Variants in CD300A observed in about 807,000 individuals in gnomAD.
CD300A encodes the protein CD300a molecule.
CD300A carries 22 observed loss-of-function variants against 33.6 expected under a neutral mutation model. The ratio of observed to expected loss-of-function variants is 0.66; its 90% CI spans 0.47 to 0.94. The LOEUF is 0.94. CD300A is among the 40% of genes least tolerant of loss of function. The probability of loss-of-function intolerance (pLI) is 0.00; values close to 1 mark genes in which losing one functional copy is unlikely to be tolerated. For synonymous variants in CD300A, 136 were observed against 148.1 expected, an observed-to-expected ratio of 0.92 and a Z score of 0.59; for missense variants, 326 against 360.5, an observed-to-expected ratio of 0.90 and a Z score of 0.77.
At chr17:74,481,372 G>A in intron 5 of CD300A, 46 bp downstream of exon 5, 1 of 1,579,592 alleles carries the variant, frequency 6.3e-7, no homozygotes, top group Non-Finnish European at 8.7e-7. Context: ...TGGGCGGAGG[G>A]TACAGAGGCT....
chr17:74,466,614 G>A (rs1905719756), upstream of CD300A: 1 of 1,404,988 alleles, frequency 7.1e-7, no homozygotes, highest in African/African-American at 1.4e-5. Flanking sequence ...AAGAAAAGCA[G>A]AAGTCGGGGC....
At chr17:74,469,331 T>G (rs1343282355) in intron 1 of CD300A, among the ~76,000 whole-genome samples, 2 of 151,844 alleles carry the variant, frequency 1.3e-5, no homozygotes, top group Middle Eastern at 3.4e-3. Context: ...GAGACTGGCC[T>G]GGGCAGTATA....
chr17:74,472,237 CA>C lies in CD300A; in HGVS notation c.41-1284del, dbSNP rs11435286. On this transcript the variant is annotated intron_variant, in intron 1 of 6. Coordinates refer to ENST00000360141, the MANE Select transcript of CD300A (RefSeq NM_007261.4). ...TGGGCAACAGAGCAAGACTCCATCT[CA>C]AAAAAAAAAAAAAATCAAAGAGTTC... is the stretch of plus-strand genomic sequence containing the variant. Among the ~76,000 whole-genome samples, 215 of 135,222 alleles carry C rather than the reference CA, an allele frequency of 1.6e-3. 1 individual carries two copies. Among genetic ancestry groups the C allele is most frequent in the South Asian group, 5.2e-3 (22 of 4,200 alleles). The allele number at this position is 135,222 out of a possible 152,430, so 88.7% of individuals were successfully genotyped here.
chr17:74,484,135 C>A lies in CD300A; in HGVS notation c.*9C>A. The A allele has an allele frequency of 6.2e-7, 1 of 1,612,900 alleles. No homozygotes were observed. Among genetic ancestry groups the A allele is most frequent in the South Asian group, 1.1e-5 (1 of 91,014 alleles). Reference sequence around the variant, plus strand: ...TGATAAGGAAGACATAGGCTTTTGTCCTGCCTCGCCATCGGAGCTCTCATG... The same window carrying A: ...TGATAAGGAAGACATAGGCTTTTGTACTGCCTCGCCATCGGAGCTCTCATG... On this transcript the variant is annotated 3_prime_UTR_variant, in exon 7 of 7. Coordinates refer to ENST00000360141, the MANE Select transcript of CD300A (RefSeq NM_007261.4).
chr17:74,469,619 G>T (rs2144502465), intron 1 of CD300A, among the ~76,000 whole-genome samples: 1 of 152,308 alleles, frequency 6.6e-6, no homozygotes, highest in East Asian at 1.9e-4. Flanking sequence ...GAGGTCAGGA[G>T]TTTGAGACCA....
chr17:74,474,576 T>A lies in CD300A; in HGVS notation c.424T>A (p.Ser142Thr), dbSNP rs756681723. The change falls in exon 3 of 7, where the codon TCA (serine) becomes ACA (threonine). Residue 142 changes from serine (S) to threonine (T), a missense_variant. By Grantham distance (58) the Ser-to-Thr change is moderately conservative. Transcript: ENST00000360141. ...TPASITAAKTSTITTAFPPVS... is the reference protein window; with the variant it reads ...TPASITAAKTTTITTAFPPVS... ...TGCAAGTATCACTGCGGCCAAGACC[T>A]CAACAATCACAACTGCATTTCCACC... The A allele has an allele frequency of 2.5e-6, 4 of 1,614,054 alleles. No individual in the cohort carries two copies. The highest frequency in any genetic ancestry group is 2.2e-5 in the East Asian group (1 of 44,892).
At chr17:74,466,897 T>TGAA in intron 1 of CD300A, 154 bp downstream of exon 1, 1 of 1,487,430 alleles carries the variant, frequency 6.7e-7, no homozygotes. Context: ...GATGGACAGA[T>TGAA]GAAGGTCCAC....
chr17:74,481,830 T>C lies in CD300A; in HGVS notation c.771T>C (p.Thr257=), dbSNP rs986757939. The change falls in exon 6 of 7, where the codon ACT becomes ACC. Residue 257 remains threonine, a synonymous_variant. Transcript: ENST00000360141. Reference sequence around the variant, plus strand: ...GGGAGGTGGAGGTGGAATACAGCACTGTGGTAAGTGCAGGAGCCCGGCTTT... The same window carrying C: ...GGGAGGTGGAGGTGGAATACAGCACCGTGGTAAGTGCAGGAGCCCGGCTTT... ...PPREVEVEYS[T]VASPREELHY... The C allele has an allele frequency of 6.2e-7, 1 of 1,608,098 alleles. No homozygotes were observed. Among genetic ancestry groups the C allele is most frequent in the Non-Finnish European group, 8.5e-7 (1 of 1,177,238 alleles).
intron 3 of CD300A, 32 bp downstream of exon 3, chr17:74,474,717 G>A (rs1383835331): frequency 6.2e-7 from 1 of 1,610,732 alleles, no homozygotes; most frequent in African/African-American, 1.3e-5. Context: ...ACATGGAGGG[G>A]GCCCTGTGCT....
At chr17:74,474,476 G>C in intron 2 of CD300A, 56 bp from the exon 3 acceptor site, 1 of 1,585,074 alleles carries the variant, frequency 6.3e-7, no homozygotes, top group Non-Finnish European at 8.6e-7. Flanking sequence ...GGCATCCTGA[G>C]TGGTGGGAGA....
At chr17:74,475,204 C>T (rs1039416893) in intron 3 of CD300A, among the ~76,000 whole-genome samples, 1 of 152,196 alleles carries the variant, frequency 6.6e-6, no homozygotes, top group African/African-American at 2.4e-5. Flanking sequence ...GGGGTTTCCT[C>T]TTATAAAGCC....
At chr17:74,472,801 G>C (rs1478671781) in intron 1 of CD300A, among the ~76,000 whole-genome samples, 1 of 152,028 alleles carries the variant, frequency 6.6e-6, no homozygotes, top group Non-Finnish European at 1.5e-5. Flanking sequence ...GTAGAGACAG[G>C]GTTTCACCAT....
rs2140252 is a variant in CD300A at position 74,474,791 on chromosome 17, C to A, written c.533+106C>A. The A allele has an allele frequency of 9.6e-6, 12 of 1,254,186 alleles. No homozygotes were observed. In the Admixed American group the frequency reaches 2.3e-4, roughly 24 times the overall value. 77.7% of individuals were successfully genotyped at this position (1,254,186 alleles called of 1,614,324 possible). On this transcript the variant is annotated intron_variant, in intron 3 of 6. Transcript: ENST00000360141. ...GCCAGCTGGAGGTGTGCATCGCTCC[C>A]TTTGCCCCAGGCCCAGGTTGGAAGC...
chr17:74,483,778 G>A (rs1306084647), intron 6 of CD300A, among the ~76,000 whole-genome samples: 1 of 152,172 alleles, frequency 6.6e-6, no homozygotes, highest in Non-Finnish European at 1.5e-5. Context: ...AGCCCCCGGA[G>A]CCTCCTGCCT....
At chr17:74,481,693 T>G (rs1598109233) in intron 5 of CD300A, 33 bp from the exon 6 acceptor site, 1 of 1,506,994 alleles carries the variant, frequency 6.6e-7, no homozygotes, top group South Asian at 1.2e-5. Flanking sequence ...CAGGGCTCCG[T>G]GGACACCCAC....
rs780257382 is a variant in CD300A at position 74,473,831 on chromosome 17, C to T, written c.336C>T (p.Asp112=). Residue 112 remains aspartate (D), a synonymous_variant, in exon 2 of 7, where the codon GAC becomes GAT. Coordinates refer to ENST00000360141, the MANE Select transcript of CD300A (RefSeq NM_007261.4). ...GGGTGGATACACCATGGCTCCGAGA[C>T]TTTCATGATCCCGTTGTCGAGGTTG... ...WCGVDTPWLR[D]FHDPVVEVEV... is the part of the protein sequence containing the mutation. 45 of 1,613,348 alleles carry T rather than the reference C, an allele frequency of 2.8e-5. No individual in the cohort carries two copies. Among genetic ancestry groups the T allele is most frequent in the African/African-American group, 6.7e-5 (5 of 74,936 alleles).
rs754138522 is a variant in CD300A at position 74,481,754 on chromosome 17, C to T, written c.695C>T (p.Ala232Val). The change falls in exon 6 of 7, where the codon GCA becomes GTA. Residue 232 changes from alanine to valine, a missense_variant. Ala to Val is a moderately conservative substitution (Grantham distance 64, BLOSUM62 0). Coordinates refer to ENST00000360141, the MANE Select transcript of CD300A (RefSeq NM_007261.4). ...QAATQSELHY[A>V]NLELLMWPLQ... ...GCCACGCAGAGTGAGCTGCACTACG[C>T]AAATCTGGAGCTGCTGATGTGGCCT... The T allele has an allele frequency of 9.9e-6, 16 of 1,612,300 alleles. No individual in the cohort carries two copies. The highest frequency in any genetic ancestry group is 1.4e-5 in the Non-Finnish European group (16 of 1,179,498).
intron 1 of CD300A, among the ~76,000 whole-genome samples, chr17:74,471,302 G>C (rs553424034): frequency 1.3e-5 from 2 of 152,138 alleles, no homozygotes; most frequent in Admixed American, 1.3e-4. Flanking sequence ...CTTCATCTAT[G>C]GTCCTTTTCT....
In CD300A at chr17:74,482,697, CCTTTCTTTCTTTCTTT is replaced by C. The variant is rs146984765; in HGVS notation, c.774+885_774+900del. 3.9e-4 allele frequency among the ~76,000 whole-genome samples: 51 copies of C among 130,220 alleles called. 2 individuals carry two copies. Among genetic ancestry groups the C allele is most frequent in the African/African-American group, 9.9e-4 (26 of 26,238 alleles). The allele number at this position is 130,220 out of a possible 152,430, so 85.4% of individuals were successfully genotyped here. A position where few individuals can be genotyped will look rare whatever the true frequency, so the allele number is the denominator to read the frequency against. On this transcript the variant is annotated intron_variant, in intron 6 of 6. Coordinates refer to ENST00000360141, the MANE Select transcript of CD300A (RefSeq NM_007261.4). ...GGCCAAGTTCCTTCCTTCCTTCCTT[CCTTTCTTTCTTTCTTT>C]CTTTCTTTCTTTCTTTCTTTGGAAT...
Sources: allele counts gnomAD v4.1 joint callset (sites outside exome capture counted in the v4.1 genomes callset), GRCh38; gene constraint gnomAD v4.1.1; transcripts MANE v1.5; gene names NCBI Gene and HGNC (gene_info 2026-07-23, HGNC 2026-07-21).